The following ARHGEF10L variants were observed in gnomAD, a reference collection of about 807,000 sequenced individuals.
ARHGEF10L encodes the protein Rho guanine nucleotide exchange factor 10 like.
A neutral mutation model predicts 141.2 loss-of-function variants in ARHGEF10L; 69 were observed. The ratio of observed to expected loss-of-function variants is 0.49; its 90% CI spans 0.40 to 0.60. The LOEUF is 0.60. Among genes scored for constraint, ARHGEF10L ranks in the 20% least tolerant of loss-of-function variants. The probability of loss-of-function intolerance (pLI) is 0.00; values close to 1 mark genes in which losing one functional copy is unlikely to be tolerated. For synonymous variants in ARHGEF10L, 711 were observed against 718.5 expected, an observed-to-expected ratio of 0.99 and a Z score of 0.17; for missense variants, 1,482 against 1,734.3, an observed-to-expected ratio of 0.85 and a Z score of 2.58.
chr1:17,631,969 C>T (rs889225774), intron 15 of ARHGEF10L, among the ~76,000 whole-genome samples: 3 of 152,186 alleles, frequency 2.0e-5, no homozygotes, highest in African/African-American at 7.2e-5. Context: ...GCAGAGCCAC[C>T]TCTGTAACTC....
chr1:17,582,366 A>G (rs1414507028), intron 2 of ARHGEF10L, among the ~76,000 whole-genome samples: 1 of 152,166 alleles, frequency 6.6e-6, no homozygotes, highest in Non-Finnish European at 1.5e-5. Flanking sequence ...TTTGACAAAT[A>G]TTTGTTGTTC....
At chr1:17,583,202 T>TAA (rs59088704) in intron 2 of ARHGEF10L, among the ~76,000 whole-genome samples, 29,635 of 111,494 alleles carry the variant, frequency 0.27, 4,379 homozygotes, top group Non-Finnish European at 0.33. Context: ...GAGCTTCATT[T>TAA]AAAAAAAAAA....
intron 1 of ARHGEF10L, among the ~76,000 whole-genome samples, chr1:17,562,794 G>A (rs2077594055): frequency 6.6e-6 from 1 of 152,238 alleles, no homozygotes; most frequent in Admixed American, 6.5e-5. Flanking sequence ...CCCTGTCCTA[G>A]GGCAGTCCAC....
chr1:17,556,269 C>CGGG (rs1194163932), intron 1 of ARHGEF10L, among the ~76,000 whole-genome samples: 6 of 8,514 alleles, frequency 7.0e-4, no homozygotes, highest in African/African-American at 3.0e-3. Flanking sequence ...GGGAGCATGG[C>CGGG]GGCGGGGGGG....
intron 1 of ARHGEF10L, among the ~76,000 whole-genome samples, chr1:17,563,500 G>C (rs1039085697): frequency 6.6e-6 from 1 of 152,180 alleles, no homozygotes; most frequent in Non-Finnish European, 1.5e-5. Flanking sequence ...CTCCCAAAGT[G>C]CTGGAGTTAC....
At chr1:17,632,282 C>A (rs1319298403) in intron 15 of ARHGEF10L, 39 bp from the exon 16 acceptor site, 1 of 1,608,710 alleles carries the variant, frequency 6.2e-7, no homozygotes, top group Admixed American at 1.7e-5. Flanking sequence ...AGCCGCCGGG[C>A]CGCGATGCTG....
At chr1:17,569,594 G>T (rs1038604816) in intron 1 of ARHGEF10L, among the ~76,000 whole-genome samples, 9 of 152,338 alleles carry the variant, frequency 5.9e-5, no homozygotes, top group African/African-American at 2.2e-4. Context: ...TGGGCCTGAA[G>T]AAAGAGCTTG....
the ARHGEF10L span, among the ~76,000 whole-genome samples, chr1:17,524,373 A>ACACACG: frequency 9.2e-5 from 5 of 54,528 alleles, 1 homozygote; most frequent in Non-Finnish European, 2.2e-4. Context: ...CTACACACAC[A>ACACACG]CACACACACA....
intron 18 of ARHGEF10L, 32 bp from the exon 19 acceptor site, chr1:17,637,856 C>A: frequency 6.5e-7 from 1 of 1,547,274 alleles, no homozygotes; most frequent in Non-Finnish European, 8.8e-7. Context: ...AGCGCCTTCA[C>A]CTGTGCCTGA....
chr1:17,662,448 A>G (rs1041779206), intron 25 of ARHGEF10L, among the ~76,000 whole-genome samples: 4 of 152,204 alleles, frequency 2.6e-5, no homozygotes, highest in African/African-American at 7.2e-5. Flanking sequence ...AGAAGTTCTG[A>G]GGCCGAGGAC....
chr1:17,609,524 A>G (rs1262813925), intron 7 of ARHGEF10L, among the ~76,000 whole-genome samples: 1 of 152,242 alleles, frequency 6.6e-6, no homozygotes, highest in African/African-American at 2.4e-5. Context: ...CATAGGAGAC[A>G]CTGAATGGGA....
At chr1:17,664,105 G>C (rs1014560967) in intron 25 of ARHGEF10L, among the ~76,000 whole-genome samples, 9 of 152,210 alleles carry the variant, frequency 5.9e-5, no homozygotes, top group South Asian at 2.1e-4. Flanking sequence ...CCAGCACCCA[G>C]TGCATGGCAT....
rs528639303 is a variant in ARHGEF10L, at chr1:17,625,919, A to C, written c.1318-37A>C. The C allele has an allele frequency of 1.0e-5, 16 of 1,593,774 alleles. No individual in the cohort carries two copies. The African/African-American group carries it at 2.1e-4, about 21-fold the overall frequency. ...CTCTGGGGCACTGGGCCCTCTCTGC[A>C]GGGGGTCAGCGAATGACGGAACCTT... On this transcript the variant is annotated intron_variant, in intron 13 of 28. Transcript: ENST00000361221. The surrounding 1 kb of genome is among the most constrained non-coding windows in gnomAD (Gnocchi z 4.5).
chr1:17,648,508 C>T (rs2061726879), intron 21 of ARHGEF10L, 46 bp from the exon 22 acceptor site: 1 of 1,605,808 alleles, frequency 6.2e-7, no homozygotes, highest in South Asian at 1.1e-5. Context: ...CCCAGTTGGT[C>T]CTTGGACTCT....
chr1:17,583,927 C>T (rs988273158), intron 2 of ARHGEF10L, among the ~76,000 whole-genome samples: 2 of 152,180 alleles, frequency 1.3e-5, no homozygotes, highest in African/African-American at 4.8e-5. Context: ...TCATGGCTCA[C>T]TGCAGCCTCA....
chr1:17,652,702 C>CA (rs1423798858), intron 22 of ARHGEF10L, among the ~76,000 whole-genome samples: 1 of 152,132 alleles, frequency 6.6e-6, no homozygotes, highest in Non-Finnish European at 1.5e-5. Context: ...GGCAGGAGGG[C>CA]AGGGAGGGTT....
At chr1:17,687,487 G>A (rs2064702796) in intron 26 of ARHGEF10L, 86 bp from the exon 27 acceptor site, 27 of 1,470,468 alleles carry the variant, frequency 1.8e-5, no homozygotes, top group Non-Finnish European at 2.5e-5. Flanking sequence ...AAGAATGTGA[G>A]AATGGCTGGC....
Position 17,619,374 on chromosome 1 carries a change from G to A in ARHGEF10L, c.871G>A (p.Val291Ile), listed in dbSNP as rs755093123. The A allele has an allele frequency of 3.1e-6, 5 of 1,613,136 alleles. No homozygotes were observed. Among genetic ancestry groups the A allele is most frequent in the South Asian group, 1.1e-5 (1 of 90,974 alleles). The change falls in exon 10 of 29, where the codon GTC (valine) becomes ATC (isoleucine). Residue 291 changes from valine to isoleucine, a missense_variant. Transcript: ENST00000361221. This position sits in a 1 kb window ranked among gnomAD's most constrained non-coding sequence, Gnocchi z 5.0. ...GGAGGAGGACATGGGGCTCCTGGAG[G>A]TCAGCGTTTCGGACATCAAGCCCCC... ...SEEEDMGLLE[V>I]SVSDIKPPAP... is the part of the protein sequence containing the mutation.
chr1:17,689,099 G>A (rs549224140), intron 27 of ARHGEF10L, among the ~76,000 whole-genome samples: 29 of 152,236 alleles, frequency 1.9e-4, no homozygotes, highest in Admixed American at 3.3e-4. Flanking sequence ...CAGGCCGGGC[G>A]TCTTGCTCGT....
Sources: gnomAD v4.1 joint callset for allele counts (sites outside exome capture counted in the v4.1 genomes callset) on GRCh38, gnomAD v4.1.1 for gene constraint, Gnocchi (gnomAD v3.1) non-coding constraint, MANE v1.5 for transcripts, NCBI Gene and HGNC (gene_info 2026-07-23, HGNC 2026-07-21) for gene names.